Variants in GFOD2 observed in about 807,000 individuals in gnomAD.
GFOD2 encodes the protein glucose-fructose oxidoreductase domain-containing protein 2.
A neutral mutation model predicts 24.6 loss-of-function variants in GFOD2; 9 were observed. The observed-to-expected ratio is 0.37, with a 90% CI of 0.22 to 0.64. The LOEUF is 0.64. GFOD2 is among the 30% of genes least tolerant of loss of function. The pLI, the probability that GFOD2 is intolerant of heterozygous loss-of-function variation, is 0.65. For synonymous variants in GFOD2, 211 were observed against 224.8 expected (o/e 0.94, Z 0.55); for missense variants, 476 against 532.5 (o/e 0.89, Z 1.04).
At chr16:67,710,563 C>T (rs1245730248) in intron 1 of GFOD2, among the ~76,000 whole-genome samples, 5 of 151,966 alleles carry the variant, frequency 3.3e-5, no homozygotes, top group South Asian at 2.1e-4. Context: ...GGGGTTTCAC[C>T]GTGTTAGCCA....
At chr16:67,707,177 G>A (rs1176902332) in intron 1 of GFOD2, among the ~76,000 whole-genome samples, 2 of 151,930 alleles carry the variant, frequency 1.3e-5, no homozygotes, top group African/African-American at 4.8e-5. Flanking sequence ...TGGCCAACAT[G>A]GTGAAACCCC....
chr16:67,718,874 A>G (rs922589205), intron 1 of GFOD2, among the ~76,000 whole-genome samples: 1 of 152,150 alleles, frequency 6.6e-6, no homozygotes, highest in African/African-American at 2.4e-5. Context: ...AGGTTTTTGC[A>G]TCTGGTAAAA....
intron 1 of GFOD2, among the ~76,000 whole-genome samples, chr16:67,691,356 C>T (rs1193941424): frequency 1.3e-5 from 2 of 151,794 alleles, no homozygotes; most frequent in Non-Finnish European, 2.9e-5. Context: ...TACAGGTGCA[C>T]ACCACTGTGC....
intron 1 of GFOD2, among the ~76,000 whole-genome samples, chr16:67,715,010 G>T (rs1486523359): frequency 6.6e-6 from 1 of 152,020 alleles, no homozygotes; most frequent in Admixed American, 6.6e-5. Flanking sequence ...AGGGTACTAA[G>T]TAACATGGAA....
At chr16:67,688,961 G>C (rs796174594) in intron 1 of GFOD2, among the ~76,000 whole-genome samples, 24 of 150,882 alleles carry the variant, frequency 1.6e-4, no homozygotes, top group African/African-American at 4.6e-4. Context: ...GGATGGTCTC[G>C]ATCTCCTGAC....
At chr16:67,706,443 T>C (rs1336643702) in intron 1 of GFOD2, among the ~76,000 whole-genome samples, 1 of 152,186 alleles carries the variant, frequency 6.6e-6, no homozygotes, top group Non-Finnish European at 1.5e-5. Context: ...AAGCATTAAA[T>C]CAATTCAATG....
intron 1 of GFOD2, among the ~76,000 whole-genome samples, chr16:67,693,235 T>C (rs2053329246): frequency 6.6e-6 from 1 of 151,888 alleles, no homozygotes; most frequent in Non-Finnish European, 1.5e-5. Flanking sequence ...CCACTTATAA[T>C]TCAGACAAAG....
intron 1 of GFOD2, among the ~76,000 whole-genome samples, chr16:67,692,130 T>C (rs2053318521): frequency 1.3e-5 from 2 of 150,198 alleles, no homozygotes; most frequent in African/African-American, 4.9e-5. Context: ...AATCTGGGGA[T>C]CAGAAGTGGG....
intron 1 of GFOD2, among the ~76,000 whole-genome samples, chr16:67,702,342 T>C (rs2053408416): frequency 6.6e-6 from 1 of 151,880 alleles, no homozygotes; most frequent in Non-Finnish European, 1.5e-5. Flanking sequence ...GGCTTCAGGG[T>C]GTGCGCCTGT....
In GFOD2 at chr16:67,675,147, G is replaced by A. The variant is rs754353968; in HGVS notation, c.*8C>T. ...CTCTGCCCTGTGGCAAGGAGCCCAG[G>A]TGCAGGCTCATAGGTTGTTCCGCTG... On this transcript the variant is annotated 3_prime_UTR_variant, in exon 3 of 3. Coordinates refer to ENST00000268797, the MANE Select transcript of GFOD2 (RefSeq NM_030819.4). The A allele has an allele frequency of 3.1e-6, 5 of 1,603,010 alleles. No homozygotes were observed. In the Admixed American group the frequency reaches 5.0e-5, roughly 16 times the overall value.
rs1428513290 is a variant in GFOD2 at position 67,704,037 on chromosome 16, G to A, written c.-88+15126C>T. 3.3e-5 allele frequency among the ~76,000 whole-genome samples: 5 copies of A among 152,280 alleles called. No homozygotes were observed. The East Asian group carries it at 5.8e-4, about 18-fold the overall frequency. ...GTCAGATTTTCCTTCCTTTTATAAAGGCTGAATAATATTCCGTCGTGTGTA... is the reference window on the plus strand; with the variant it reads ...GTCAGATTTTCCTTCCTTTTATAAAAGCTGAATAATATTCCGTCGTGTGTA... On this transcript the variant is annotated intron_variant, in intron 1 of 2. Transcript: ENST00000268797.
intron 2 of GFOD2, chr16:67,680,657 A>G (rs7202185): frequency 0.93 from 863,634 of 925,622 alleles, 403,058 homozygotes; most frequent in East Asian, 1. Context: ...ACGTAGGTCT[A>G]AACTCCCAGG....
chr16:67,703,885 T>C (rs1465288199), intron 1 of GFOD2, among the ~76,000 whole-genome samples: 1 of 152,174 alleles, frequency 6.6e-6, no homozygotes, highest in Non-Finnish European at 1.5e-5. Context: ...ACCATTCTAC[T>C]TTCTGTCTCT....
At chr16:67,702,258 C>A (rs570037666) in intron 1 of GFOD2, among the ~76,000 whole-genome samples, 1 of 151,968 alleles carries the variant, frequency 6.6e-6, no homozygotes, top group Non-Finnish European at 1.5e-5. Context: ...CTGAGGCAGG[C>A]GGATTGCTTG....
intron 1 of GFOD2, among the ~76,000 whole-genome samples, chr16:67,695,061 C>T (rs1446054818): frequency 1.4e-5 from 2 of 145,404 alleles, no homozygotes; most frequent in Non-Finnish European, 3.0e-5. Context: ...GGTGCAATCT[C>T]GGCTCACTGC....
chr16:67,706,328 G>T (rs1461823942), intron 1 of GFOD2, among the ~76,000 whole-genome samples: 1 of 152,004 alleles, frequency 6.6e-6, no homozygotes, highest in Admixed American at 6.6e-5. Context: ...TCAGTGCTGG[G>T]CTTTTAAAAA....
chr16:67,702,992 G>C (rs1226738382), intron 1 of GFOD2, among the ~76,000 whole-genome samples: 1 of 152,122 alleles, frequency 6.6e-6, no homozygotes, highest in Admixed American at 6.5e-5. Flanking sequence ...TAACTTTAGA[G>C]GTCACTCACT....
chr16:67,698,368 T>C (rs2053373251), intron 1 of GFOD2, among the ~76,000 whole-genome samples: 2 of 152,232 alleles, frequency 1.3e-5, no homozygotes, highest in African/African-American at 2.4e-5. Flanking sequence ...CTCACACTAT[T>C]GTGAATAATC....
At position 67,675,221 on chromosome 16, in the gene GFOD2, C is replaced by T; in HGVS notation, c.1092G>A (p.Glu364=). 1 of 1,613,916 alleles carries T rather than the reference C, an allele frequency of 6.2e-7. No homozygotes were observed. The highest frequency in any genetic ancestry group is 8.5e-7 in the Non-Finnish European group (1 of 1,180,034). ...TGGTGTCGGGCTCCTCCGTCAGCAC[C>T]TCCACAGCCTCCCACTCCCCGGATC... is the stretch of plus-strand genomic sequence containing the variant. ...SSRSGEWEAV[E]VLTEEPDTNQ... is the part of the protein sequence containing the mutation. Residue 364 remains glutamate, a synonymous_variant, in exon 3 of 3, where the codon GAG becomes GAA. Coordinates refer to ENST00000268797, the MANE Select transcript of GFOD2 (RefSeq NM_030819.4).
Sources: gnomAD v4.1 joint callset for allele counts (sites outside exome capture counted in the v4.1 genomes callset) on GRCh38, gnomAD v4.1.1 for gene constraint, MANE v1.5 for transcripts, NCBI Gene and HGNC (gene_info 2026-07-23, HGNC 2026-07-21) for gene names.